Variants in PGCKA1 observed in about 807,000 individuals in gnomAD.
The protein encoded by PGCKA1 is PDCD10 and GCKIII kinases associated 1.
chr4:37,539,546 C>T, the PGCKA1 span, among the ~76,000 whole-genome samples: 852 of 152,276 alleles, frequency 5.6e-3, 12 homozygotes, highest in African/African-American at 0.019. Context: ...CCCAGCTACT[C>T]CAGAGGCTGA....
the PGCKA1 span, among the ~76,000 whole-genome samples, chr4:37,567,004 A>G: frequency 6.6e-6 from 1 of 152,180 alleles, no homozygotes. Flanking sequence ...TAGAGAATCC[A>G]GTTCTCTCTT....
chr4:37,509,328 C>T, the PGCKA1 span, among the ~76,000 whole-genome samples: 8 of 135,004 alleles, frequency 5.9e-5, no homozygotes, highest in East Asian at 2.1e-4. Context: ...TCAGACAGGG[C>T]GGCCGGGCAG....
the PGCKA1 span, among the ~76,000 whole-genome samples, chr4:37,467,962 A>T: frequency 3.3e-5 from 5 of 152,322 alleles, no homozygotes; most frequent in East Asian, 9.6e-4. Context: ...GAGCTCGCTC[A>T]TGTTCTCTCT....
the PGCKA1 span, among the ~76,000 whole-genome samples, chr4:37,487,331 T>C: frequency 6.6e-6 from 1 of 152,224 alleles, no homozygotes. Flanking sequence ...CATATTTGCC[T>C]GATCACATAT....
At chr4:37,481,425 AC>A in the PGCKA1 span, among the ~76,000 whole-genome samples, 1 of 138,046 alleles carries the variant, frequency 7.2e-6, no homozygotes, top group Non-Finnish European at 1.5e-5. Context: ...AGATCGCACC[AC>A]TGCACTCCAG....
the PGCKA1 span, among the ~76,000 whole-genome samples, chr4:37,571,176 C>G: frequency 6.6e-6 from 1 of 152,078 alleles, no homozygotes; most frequent in South Asian, 2.1e-4. Flanking sequence ...AAGTCCCCCT[C>G]TAAGATGCAA....
the PGCKA1 span, among the ~76,000 whole-genome samples, chr4:37,545,157 G>C: frequency 2.4e-4 from 36 of 152,128 alleles, no homozygotes; most frequent in Non-Finnish European, 4.0e-4. Flanking sequence ...CGCCTGGCCA[G>C]GTTGCTTGGT....
At chr4:37,524,583 G>A in the PGCKA1 span, among the ~76,000 whole-genome samples, 11 of 152,206 alleles carry the variant, frequency 7.2e-5, no homozygotes, top group African/African-American at 2.4e-4. Context: ...TATTCTATTC[G>A]TCTCACCACA....
the PGCKA1 span, among the ~76,000 whole-genome samples, chr4:37,489,156 A>G: frequency 6.6e-6 from 1 of 152,202 alleles, no homozygotes. Flanking sequence ...TGCAAGATGA[A>G]TAAGTTCTAG....
chr4:37,522,786 G>A, the PGCKA1 span, among the ~76,000 whole-genome samples: 1 of 152,020 alleles, frequency 6.6e-6, no homozygotes, highest in Admixed American at 6.5e-5. Context: ...CTGGGAGCAA[G>A]GACCTGGAAC....
chr4:37,508,342 G>T, the PGCKA1 span, among the ~76,000 whole-genome samples: 1 of 151,694 alleles, frequency 6.6e-6, no homozygotes, highest in African/African-American at 2.4e-5. Context: ...ATAACTTTTA[G>T]ATTTGCCCTT....
the PGCKA1 span, among the ~76,000 whole-genome samples, chr4:37,563,344 A>G: frequency 1.3e-5 from 2 of 152,180 alleles, no homozygotes; most frequent in Admixed American, 6.5e-5. Flanking sequence ...CAGCTTGCAG[A>G]TGCCGCCTTC....
At chr4:37,503,189 T>C in the PGCKA1 span, among the ~76,000 whole-genome samples, 990 of 152,256 alleles carry the variant, frequency 6.5e-3, 23 homozygotes, top group East Asian at 0.074. Flanking sequence ...CAGAGGCCCA[T>C]TGTGAGAGCA....
chr4:37,514,114 A>T, the PGCKA1 span, among the ~76,000 whole-genome samples: 1 of 152,180 alleles, frequency 6.6e-6, no homozygotes, highest in Non-Finnish European at 1.5e-5. Context: ...CAGGCTTTAG[A>T]ATTAGACTTA....
chr4:37,521,499 A>G, the PGCKA1 span, among the ~76,000 whole-genome samples: 8 of 152,110 alleles, frequency 5.3e-5, no homozygotes, highest in Non-Finnish European at 1.2e-4. Flanking sequence ...AGTTTCCAAA[A>G]TTGCTCTTGT....
chr4:37,540,677 C>T, the PGCKA1 span, among the ~76,000 whole-genome samples: 1 of 152,120 alleles, frequency 6.6e-6, no homozygotes, highest in East Asian at 1.9e-4. Flanking sequence ...AGGGAAGGCC[C>T]CCAGCTGAAT....
the PGCKA1 span, chr4:37,591,014 C>T: frequency 6.3e-7 from 1 of 1,587,012 alleles, no homozygotes. Flanking sequence ...AGGGGATTTG[C>T]ACAGGGAGGT....
chr4:37,469,875 G>C, the PGCKA1 span, among the ~76,000 whole-genome samples: 1 of 152,098 alleles, frequency 6.6e-6, no homozygotes, highest in Non-Finnish European at 1.5e-5. Flanking sequence ...TTCCATATCT[G>C]CACACAGACC....
At chr4:37,545,808 C>T in the PGCKA1 span, among the ~76,000 whole-genome samples, 1 of 152,296 alleles carries the variant, frequency 6.6e-6, no homozygotes, top group Non-Finnish European at 1.5e-5. Context: ...TTTATGGAAC[C>T]ACTGTTCTTC....
Sources: allele counts gnomAD v4.1 joint callset (sites outside exome capture counted in the v4.1 genomes callset), GRCh38; gene constraint gnomAD v4.1.1; transcripts MANE v1.5; gene names NCBI Gene and HGNC (gene_info 2026-07-23, HGNC 2026-07-21).